The following TBC1D12 variants were observed in gnomAD, a reference collection of about 807,000 sequenced individuals.
TBC1D12 encodes TBC1 domain family member 12.
TBC1D12 carries 56 observed loss-of-function variants against 86.7 expected under a neutral mutation model. The ratio of observed to expected loss-of-function variants is 0.65; its 90% CI spans 0.52 to 0.81. The LOEUF (loss-of-function observed/expected upper bound fraction) is 0.81. Among genes scored for constraint, TBC1D12 ranks in the 30% least tolerant of loss-of-function variants. TBC1D12 has a pLI of 0.00. For synonymous variants in TBC1D12, 421 were observed against 411.7 expected (o/e 1.02, Z -0.27); for missense variants, 1,023 against 1,038.8 (o/e 0.98, Z 0.21).
chr10:94,434,801 G>A (rs1395377116), intron 1 of TBC1D12, among the ~76,000 whole-genome samples: 1 of 152,178 alleles, frequency 6.6e-6, no homozygotes, highest in African/African-American at 2.4e-5. Flanking sequence ...CAGCTACTCA[G>A]GAGGCTGAGG....
At chr10:94,516,838 AAAGT>A (rs1342873258) in intron 9 of TBC1D12, among the ~76,000 whole-genome samples, 1 of 152,090 alleles carries the variant, frequency 6.6e-6, no homozygotes, top group Admixed American at 6.5e-5. Flanking sequence ...CAATTTCTAT[AAAGT>A]ATCCCAAAAG....
In TBC1D12 at chr10:94,465,670, A is replaced by ATATGTGTG. The variant is rs1473804309; in HGVS notation, c.1096-8997_1096-8996insATGTGTGT. Among the ~76,000 whole-genome samples, 956 of 137,902 alleles carry ATATGTGTG rather than the reference A, an allele frequency of 6.9e-3. 13 individuals are homozygous for ATATGTGTG. Among genetic ancestry groups the ATATGTGTG allele is most frequent in the East Asian group, 8.8e-3 (40 of 4,562 alleles). 90.5% of individuals were successfully genotyped at this position (137,902 alleles called of 152,430 possible). The stretch of plus-strand genomic sequence containing the variant: ...TAAAAAAAAAAATATATATATATAT[A>ATATGTGTG]TGTGTGTGTGTGTGTGTGTGTGTGT... On this transcript the variant is annotated intron_variant, in intron 2 of 12. Transcript: ENST00000225235.
intron 4 of TBC1D12, among the ~76,000 whole-genome samples, chr10:94,496,219 C>T (rs2056319570): frequency 6.6e-6 from 1 of 152,070 alleles, no homozygotes; most frequent in Non-Finnish European, 1.5e-5. Context: ...TGGTCTCTGA[C>T]ATCCTCACTG....
At chr10:94,407,304 C>T (rs745428840) in intron 1 of TBC1D12, among the ~76,000 whole-genome samples, 22 of 152,200 alleles carry the variant, frequency 1.4e-4, no homozygotes, top group South Asian at 2.1e-4. Context: ...TTCACATGGA[C>T]ACCTTTCTGT....
chr10:94,415,494 G>A (rs1564936055), intron 1 of TBC1D12, among the ~76,000 whole-genome samples: 2 of 152,208 alleles, frequency 1.3e-5, no homozygotes, highest in African/African-American at 2.4e-5. Flanking sequence ...AGCACTTTGG[G>A]AGGCCGAGGC....
rs1401751355 is a variant in TBC1D12, at chr10:94,402,721, G to T, written c.108G>T (p.Thr36=). 8.3e-6 allele frequency: 13 copies of T among 1,572,764 alleles called. No homozygotes were observed. The highest frequency in any genetic ancestry group is 1.0e-5 in the Non-Finnish European group (12 of 1,158,920). ...AGGACAGGAAGGTAATCCGGGCCAC[G>T]GGCGGCTTTGGCGGAGGCGTCGGCG... The part of the protein sequence containing the change: ...VGQDRKVIRA[T]GGFGGGVGAV... The change falls in exon 1 of 13, where the codon ACG becomes ACT. Residue 36 remains threonine (T), a synonymous_variant. Coordinates refer to ENST00000225235, the MANE Select transcript of TBC1D12 (RefSeq NM_015188.2).
intron 1 of TBC1D12, among the ~76,000 whole-genome samples, chr10:94,413,435 C>T (rs1004316369): frequency 6.6e-6 from 1 of 151,776 alleles, no homozygotes; most frequent in Non-Finnish European, 1.5e-5. Context: ...GTTATTTTTC[C>T]TTCCTTCTGC....
At chr10:94,412,917 G>A (rs1221771347) in intron 1 of TBC1D12, among the ~76,000 whole-genome samples, 2 of 152,222 alleles carry the variant, frequency 1.3e-5, no homozygotes, top group Non-Finnish European at 2.9e-5. Flanking sequence ...GGGTTGTTAA[G>A]AATGCAGATT....
intron 11 of TBC1D12, among the ~76,000 whole-genome samples, chr10:94,522,734 C>T (rs548525625): frequency 3.3e-5 from 5 of 151,896 alleles, no homozygotes; most frequent in East Asian, 1.9e-4. Flanking sequence ...TCCCACATGG[C>T]GAAACCCCGT....
rs1403420006 is a variant in TBC1D12 at position 94,403,435 on chromosome 10, C to T, written c.822C>T (p.Arg274=). The change falls in exon 1 of 13, where the codon CGC becomes CGT. Residue 274 remains arginine, a synonymous_variant. Coordinates refer to ENST00000225235, the MANE Select transcript of TBC1D12 (RefSeq NM_015188.2). Reference sequence around the variant, plus strand: ...TTTCTGACATTCACTTCAACTCTCGCAACACGTTCCAGGTGAGCCGCGGTC... The same window carrying T: ...TTTCTGACATTCACTTCAACTCTCGTAACACGTTCCAGGTGAGCCGCGGTC... The part of the protein sequence containing the change: ...LGFSDIHFNS[R]NTFQVSRGQS... 1 of 1,548,616 alleles carries T rather than the reference C, an allele frequency of 6.5e-7. No individual in the cohort carries two copies. The highest frequency in any genetic ancestry group is 2.0e-5 in the Admixed American group (1 of 51,176).
At chr10:94,481,956 T>C (rs1417407976) in intron 3 of TBC1D12, among the ~76,000 whole-genome samples, 2 of 152,200 alleles carry the variant, frequency 1.3e-5, no homozygotes, top group Non-Finnish European at 2.9e-5. Context: ...TAATAAACAA[T>C]CCAATTATAA....
chr10:94,443,222 C>T (rs1240440072), intron 2 of TBC1D12, among the ~76,000 whole-genome samples: 3 of 152,146 alleles, frequency 2.0e-5, no homozygotes, highest in African/African-American at 7.2e-5. Context: ...CTAAGCAGCC[C>T]CTCCCTTTCC....
chr10:94,444,982 T>A (rs1281264071), intron 2 of TBC1D12, among the ~76,000 whole-genome samples: 1 of 134,382 alleles, frequency 7.4e-6, no homozygotes, highest in Non-Finnish European at 1.6e-5. Flanking sequence ...TCCGCCCGCC[T>A]CAGCCTCCCA....
intron 2 of TBC1D12, among the ~76,000 whole-genome samples, chr10:94,448,464 T>G (rs2055502971): frequency 6.6e-6 from 1 of 152,182 alleles, no homozygotes; most frequent in Admixed American, 6.5e-5. Flanking sequence ...TGGACTGTGT[T>G]CAGAAGTTAT....
chr10:94,421,848 A>G (rs2055078152), intron 1 of TBC1D12, among the ~76,000 whole-genome samples: 1 of 152,132 alleles, frequency 6.6e-6, no homozygotes, highest in South Asian at 2.1e-4. Context: ...TGTTTATTCA[A>G]ATCCTTTGCC....
At chr10:94,474,552 A>G (rs1297461864) in intron 2 of TBC1D12, 116 bp from the exon 3 acceptor site, 1 of 697,320 alleles carries the variant, frequency 1.4e-6, no homozygotes. Flanking sequence ...TTACCAAATT[A>G]TTTTTTGAAT....
intron 9 of TBC1D12, among the ~76,000 whole-genome samples, chr10:94,515,292 CAG>C (rs1348449133): frequency 2.6e-5 from 4 of 152,032 alleles, no homozygotes; most frequent in East Asian, 3.9e-4. Flanking sequence ...CGCTTATCCT[CAG>C]GGGATATATT....
At chr10:94,506,129 C>T (rs947768354) in intron 6 of TBC1D12, among the ~76,000 whole-genome samples, 4 of 152,090 alleles carry the variant, frequency 2.6e-5, no homozygotes, top group South Asian at 2.1e-4. Context: ...CTCTGCCTCC[C>T]GGGCTCAAGT....
chr10:94,479,224 C>G (rs74808781), intron 3 of TBC1D12, among the ~76,000 whole-genome samples: 1,579 of 152,178 alleles, frequency 0.01, 28 homozygotes, highest in East Asian at 0.06. Flanking sequence ...GTGTATTGCT[C>G]TGGGATGTAG....
Sources: gnomAD v4.1 joint callset for allele counts (sites outside exome capture counted in the v4.1 genomes callset) on GRCh38, gnomAD v4.1.1 for gene constraint, MANE v1.5 for transcripts, NCBI Gene and HGNC (gene_info 2026-07-23, HGNC 2026-07-21) for gene names.